GRIP1: variants seen among roughly 807,000 people sequenced by gnomAD.
GRIP1 encodes the protein glutamate receptor-interacting protein 1.
Under a neutral mutation model 129.9 loss-of-function variants are expected in GRIP1, and 45 were observed. The ratio of observed to expected loss-of-function variants is 0.35; its 90% confidence interval spans 0.27 to 0.44. The LOEUF is 0.44. Ranked by LOEUF, GRIP1 falls within the 20% of genes least tolerant of loss-of-function variation. The pLI is 1.00. For missense variants in GRIP1, 1,196 were observed against 1,396.8 expected (o/e 0.86, Z 2.29); for synonymous variants, 530 against 520.8 (o/e 1.02, Z -0.24).
intron 13 of GRIP1, among the ~76,000 whole-genome samples, chr12:66,436,144 C>T (rs1265449605): frequency 6.6e-6 from 1 of 152,104 alleles, no homozygotes; most frequent in Non-Finnish European, 1.5e-5. Flanking sequence ...TTTGTTAATG[C>T]TATAATTAAA....
intron 1 of GRIP1, among the ~76,000 whole-genome samples, chr12:66,718,514 A>G (rs2035961537): frequency 6.6e-6 from 1 of 152,198 alleles, no homozygotes. Context: ...CAGTTGGATA[A>G]CCAAAGGTAA....
intron 1 of GRIP1, among the ~76,000 whole-genome samples, chr12:66,929,234 G>C (rs2041346877): frequency 6.6e-6 from 1 of 152,096 alleles, no homozygotes; most frequent in Non-Finnish European, 1.5e-5. Flanking sequence ...TCTCTCTAAA[G>C]GCTCTTCTAA....
chr12:66,797,796 G>A (rs2038743770), intron 1 of GRIP1, among the ~76,000 whole-genome samples: 1 of 152,072 alleles, frequency 6.6e-6, no homozygotes, highest in Non-Finnish European at 1.5e-5. Flanking sequence ...CTTCATGTCT[G>A]TCTCCTTTGG....
chr12:66,383,711 A>G (rs997463723), intron 19 of GRIP1, among the ~76,000 whole-genome samples: 5 of 152,160 alleles, frequency 3.3e-5, no homozygotes, highest in South Asian at 4.1e-4. Flanking sequence ...ATGGCAGACT[A>G]CCTGTTGCTC....
chr12:66,737,938 C>G (rs1385706176), intron 1 of GRIP1, among the ~76,000 whole-genome samples: 4 of 152,098 alleles, frequency 2.6e-5, no homozygotes, highest in Non-Finnish European at 4.4e-5. Flanking sequence ...GGGCAGGCTG[C>G]AAAGAGAGCA....
intron 1 of GRIP1, among the ~76,000 whole-genome samples, chr12:66,843,975 C>A (rs549757710): frequency 6.6e-6 from 1 of 152,142 alleles, no homozygotes; most frequent in Admixed American, 6.5e-5. Context: ...TAATTAAAAG[C>A]TTCCATGCAT....
At chr12:67,026,032 A>G (rs555852189) in intron 1 of GRIP1, among the ~76,000 whole-genome samples, 1 of 151,968 alleles carries the variant, frequency 6.6e-6, no homozygotes, top group South Asian at 2.1e-4. Context: ...TCTCTGCTCT[A>G]TTTTCCCAAT....
chr12:66,388,156 C>G (rs1296683974), intron 19 of GRIP1, among the ~76,000 whole-genome samples: 1 of 149,806 alleles, frequency 6.7e-6, no homozygotes, highest in African/African-American at 2.4e-5. Flanking sequence ...ACAAAGAAAT[C>G]AAATAAACTG....
At chr12:66,731,782 C>T (rs1368242661) in intron 1 of GRIP1, among the ~76,000 whole-genome samples, 1 of 152,112 alleles carries the variant, frequency 6.6e-6, no homozygotes, top group Non-Finnish European at 1.5e-5. Context: ...TATATTTAAT[C>T]ACAATTTTAA....
intron 1 of GRIP1, among the ~76,000 whole-genome samples, chr12:66,761,434 T>C (rs1309239208): frequency 2.6e-5 from 4 of 152,180 alleles, no homozygotes; most frequent in Non-Finnish European, 5.9e-5. Flanking sequence ...AGGAAGCCCG[T>C]ACTGCCTCAA....
At chr12:66,956,056 T>C (rs2041836176) in intron 1 of GRIP1, among the ~76,000 whole-genome samples, 2 of 152,224 alleles carry the variant, frequency 1.3e-5, no homozygotes, top group Admixed American at 1.3e-4. Context: ...CCTCTAATAT[T>C]GCCATTTTAA....
At chr12:66,576,238 T>C (rs1457643119) in intron 2 of GRIP1, among the ~76,000 whole-genome samples, 1 of 152,310 alleles carries the variant, frequency 6.6e-6, no homozygotes, top group East Asian at 1.9e-4. Context: ...AGATCTCTCA[T>C]AATAACCTGT....
chr12:66,490,713 C>T (rs2060083191), intron 7 of GRIP1, among the ~76,000 whole-genome samples: 1 of 152,042 alleles, frequency 6.6e-6, no homozygotes, highest in Non-Finnish European at 1.5e-5. Flanking sequence ...GCAATTTATA[C>T]ATCTGACAAA....
chr12:66,542,048 A>G (rs1027725229), intron 2 of GRIP1, 98 bp from the exon 3 acceptor site: 6 of 1,126,896 alleles, frequency 5.3e-6, no homozygotes, highest in Non-Finnish European at 8.1e-6. Context: ...CTTTTATGAG[A>G]AAAGATATTT....
intron 1 of GRIP1, among the ~76,000 whole-genome samples, chr12:66,755,279 T>C (rs2061293059): frequency 6.6e-6 from 1 of 152,326 alleles, no homozygotes; most frequent in East Asian, 1.9e-4. Context: ...CTCTCTTTCA[T>C]TGCATTATGT....
At chr12:66,814,608 C>T (rs1053082436) in intron 1 of GRIP1, among the ~76,000 whole-genome samples, 4 of 138,922 alleles carry the variant, frequency 2.9e-5, no homozygotes, top group African/African-American at 1.1e-4. Flanking sequence ...AAAAAAAAAG[C>T]AATGACCATG....
chr12:66,528,987 T>A (rs545605652), intron 5 of GRIP1, among the ~76,000 whole-genome samples: 1 of 152,188 alleles, frequency 6.6e-6, no homozygotes, highest in South Asian at 2.1e-4. Context: ...GCTAAGGACA[T>A]GAATAGACAA....
At chr12:66,380,978 T>G (rs2056081454) in intron 19 of GRIP1, among the ~76,000 whole-genome samples, 1 of 152,218 alleles carries the variant, frequency 6.6e-6, no homozygotes, top group Non-Finnish European at 1.5e-5. Flanking sequence ...AAGATGATTC[T>G]GTCTCCATGA....
chr12:66,524,700 G>C (rs1314073424), intron 5 of GRIP1, among the ~76,000 whole-genome samples: 5 of 152,142 alleles, frequency 3.3e-5, no homozygotes, highest in Admixed American at 2.0e-4. Context: ...GACGGAAATA[G>C]AGACACAAAA....
Sources: gnomAD v4.1 joint callset for allele counts (sites outside exome capture counted in the v4.1 genomes callset) on GRCh38, gnomAD v4.1.1 for gene constraint, MANE v1.5 for transcripts, NCBI Gene and HGNC (gene_info 2026-07-23, HGNC 2026-07-21) for gene names.